The following ASTN1 variants were observed in gnomAD, a reference collection of about 807,000 sequenced individuals.
ASTN1 encodes the protein astrotactin 1, also known as astrotactin-1.
ASTN1 carries 41 observed loss-of-function variants against 140.7 expected under a neutral mutation model. The ratio of observed to expected loss-of-function variants is 0.29; its 90% CI spans 0.23 to 0.38. The LOEUF is 0.38. Ranked by LOEUF, ASTN1 falls within the 10% of genes least tolerant of loss-of-function variation. The pLI, the probability that ASTN1 is intolerant of heterozygous loss-of-function variation, is 1.00. For synonymous variants in ASTN1, 640 were observed against 652.2 expected (o/e 0.98, Z 0.29); for missense variants, 1,479 against 1,678.8 (o/e 0.88, Z 2.08).
chr1:176,913,499 T>C (rs1488745035), intron 16 of ASTN1, among the ~76,000 whole-genome samples: 3 of 151,926 alleles, frequency 2.0e-5, no homozygotes, highest in Non-Finnish European at 2.9e-5. Context: ...CATGTGATAA[T>C]AGTAATAATA....
intron 8 of ASTN1, among the ~76,000 whole-genome samples, chr1:177,003,756 G>A (rs951504486): frequency 4.6e-5 from 7 of 151,490 alleles, no homozygotes; most frequent in African/African-American, 1.7e-4. Context: ...AGGTTGCAGT[G>A]AGCCAAGATT....
At chr1:177,133,504 CT>C (rs1359105193) in intron 1 of ASTN1, among the ~76,000 whole-genome samples, 1 of 152,188 alleles carries the variant, frequency 6.6e-6, no homozygotes, top group Non-Finnish European at 1.5e-5. Context: ...AAGCCTTTCT[CT>C]TTTCTTTAGG....
At chr1:176,919,503 T>C (rs999052865) in intron 16 of ASTN1, among the ~76,000 whole-genome samples, 12 of 152,238 alleles carry the variant, frequency 7.9e-5, no homozygotes, top group Non-Finnish European at 1.6e-4. Flanking sequence ...CCAGTAAAGG[T>C]TGGGAGCTGG....
intron 2 of ASTN1, among the ~76,000 whole-genome samples, chr1:177,047,313 G>A (rs1677285940): frequency 6.6e-6 from 1 of 152,190 alleles, no homozygotes; most frequent in South Asian, 2.1e-4. Flanking sequence ...AGGCCAGCAT[G>A]AGTGAAATCA....
At chr1:177,021,489 T>C (rs1380798816) in intron 7 of ASTN1, among the ~76,000 whole-genome samples, 2 of 152,214 alleles carry the variant, frequency 1.3e-5, no homozygotes, top group Admixed American at 6.5e-5. Context: ...GGATCTGACA[T>C]GTCTGGGGAA....
chr1:176,987,774 T>C (rs1673973098), intron 8 of ASTN1, among the ~76,000 whole-genome samples: 1 of 152,132 alleles, frequency 6.6e-6, no homozygotes, highest in East Asian at 1.9e-4. Context: ...GTGAGAGCAG[T>C]TAGGAAGATG....
At chr1:176,874,002 A>T (rs1436239852) in intron 21 of ASTN1, among the ~76,000 whole-genome samples, 1 of 152,122 alleles carries the variant, frequency 6.6e-6, no homozygotes, top group Non-Finnish European at 1.5e-5. Flanking sequence ...TGTAGGTAGC[A>T]TCATGCTGCA....
chr1:176,915,450 A>G (rs1469275632), intron 16 of ASTN1, among the ~76,000 whole-genome samples: 2 of 152,158 alleles, frequency 1.3e-5, no homozygotes, highest in Non-Finnish European at 2.9e-5. Context: ...AAGATCTTCA[A>G]AAGCAGACTT....
rs1206972149 is a variant in ASTN1, at chr1:176,990,267, AT to A, written c.1523+24523del. ...GGGGTGGGTGGGGAGAAGAGGCTGGATTTTTTTTTTCCTTTTAAAATTAAAA... is the reference window on the plus strand; with the variant it reads ...GGGGTGGGTGGGGAGAAGAGGCTGGATTTTTTTTTCCTTTTAAAATTAAAA... On this transcript the variant is annotated intron_variant, in intron 8 of 22. Coordinates refer to ENST00000361833, the MANE Select transcript of ASTN1 (RefSeq NM_004319.3). Among the ~76,000 whole-genome samples the A allele has an allele frequency of 7.2e-3, 1,074 of 148,868 alleles. 11 individuals carry two copies. The highest frequency in any genetic ancestry group is 0.022 in the African/African-American group (894 of 40,376).
intron 11 of ASTN1, among the ~76,000 whole-genome samples, chr1:176,953,643 T>C (rs1233314626): frequency 6.6e-6 from 1 of 152,190 alleles, no homozygotes; most frequent in Non-Finnish European, 1.5e-5. Flanking sequence ...TGTGATGGTC[T>C]CCGCACATCT....
At chr1:177,155,921 T>A (rs1683215281) in intron 1 of ASTN1, among the ~76,000 whole-genome samples, 1 of 152,154 alleles carries the variant, frequency 6.6e-6, no homozygotes, top group Non-Finnish European at 1.5e-5. Context: ...AACACTCCTG[T>A]AACAACAAGC....
In ASTN1 at chr1:176,946,056, G is replaced by C; in HGVS notation, c.2119C>G (p.Pro707Ala). 1.9e-6 allele frequency: 3 copies of C among 1,614,004 alleles called. No homozygotes were observed. Among genetic ancestry groups the C allele is most frequent in the Non-Finnish European group, 2.5e-6 (3 of 1,179,946 alleles). ...RSCQLITETC[P>A]EGSDCGESRE... ...CTTTCCCCACAGTCACTTCCCTCTG[G>C]ACAGGTCTCCGTGATGAGTTGGCAA... Residue 707 changes from proline (P) to alanine (A), a missense_variant, in exon 13 of 23, where the codon CCA (proline) becomes GCA (alanine). By Grantham distance (27) the Pro-to-Ala change is conservative. Transcript: ENST00000361833.
intron 1 of ASTN1, among the ~76,000 whole-genome samples, chr1:177,120,371 T>TG (rs1318435455): frequency 2.0e-5 from 3 of 152,196 alleles, no homozygotes; most frequent in African/African-American, 7.2e-5. Flanking sequence ...GACACCTGCT[T>TG]GCCCTCTGGT....
intron 1 of ASTN1, among the ~76,000 whole-genome samples, chr1:177,109,696 C>A (rs1680722526): frequency 6.6e-6 from 1 of 152,168 alleles, no homozygotes; most frequent in Non-Finnish European, 1.5e-5. Context: ...ATCCTCCTTT[C>A]ACATTGTTTA....
At chr1:177,082,869 A>G (rs551973808) in intron 1 of ASTN1, among the ~76,000 whole-genome samples, 12 of 152,282 alleles carry the variant, frequency 7.9e-5, no homozygotes, top group Non-Finnish European at 1.3e-4. Flanking sequence ...TTCATGGGCT[A>G]TATCTCCATT....
chr1:176,945,757 G>A (rs938356214), intron 13 of ASTN1, among the ~76,000 whole-genome samples, 169 bp downstream of exon 13: 1 of 152,206 alleles, frequency 6.6e-6, no homozygotes, highest in African/African-American at 2.4e-5. Flanking sequence ...TTGGATTCTG[G>A]AAGAAGGAAT....
rs144133170 is a variant in ASTN1, at chr1:177,032,757, C to T, written c.564G>A (p.Gln188=). ...CCTCAGCACTGGCACTCTTCTGGGG[C>T]TGCGGGACCCGGCGGCGTTTGCACC... ...RRWCKRRRVP[Q]PQKSASAEAA... is the part of the protein sequence containing the mutation. Residue 188 remains glutamine (Q), a synonymous_variant, in exon 3 of 23, where the codon CAG becomes CAA. Transcript: ENST00000361833. 1.5e-4 allele frequency: 243 copies of T among 1,613,732 alleles called. No homozygotes were observed. The African/African-American group carries it at 3.0e-3, about 20-fold the overall frequency.
At chr1:177,097,930 G>T (rs532328468) in intron 1 of ASTN1, among the ~76,000 whole-genome samples, 15 of 152,242 alleles carry the variant, frequency 9.9e-5, no homozygotes, top group African/African-American at 3.6e-4. Flanking sequence ...CACGTCTAGT[G>T]AGGTCATGGA....
intron 1 of ASTN1, among the ~76,000 whole-genome samples, chr1:177,072,456 G>A (rs1678688038): frequency 6.6e-6 from 1 of 152,098 alleles, no homozygotes; most frequent in South Asian, 2.1e-4. Flanking sequence ...ATCACTGAAG[G>A]GGTTAAGATG....
Sources: allele counts gnomAD v4.1 joint callset (sites outside exome capture counted in the v4.1 genomes callset), GRCh38; gene constraint gnomAD v4.1.1; transcripts MANE v1.5; gene names NCBI Gene and HGNC (gene_info 2026-07-23, HGNC 2026-07-21).